EPHA6: variants seen among roughly 807,000 people sequenced by gnomAD.
EPHA6 encodes EPH receptor A6.
A neutral mutation model predicts 112.0 loss-of-function variants in EPHA6; 50 were observed. The observed-to-expected ratio is 0.45, with a 90% confidence interval of 0.36 to 0.56. The LOEUF (loss-of-function observed/expected upper bound fraction) is 0.56, where lower values mean the gene tolerates loss of function less well. Among genes scored for constraint, EPHA6 ranks in the 20% least tolerant of loss-of-function variants. The pLI is 0.00. For missense variants in EPHA6, 1,280 were observed against 1,417.4 expected (o/e 0.90, Z 1.56); for synonymous variants, 529 against 490.7 (o/e 1.08, Z -1.03).
At chr3:97,239,965 A>T (rs1391447912) in intron 4 of EPHA6, among the ~76,000 whole-genome samples, 1 of 151,828 alleles carries the variant, frequency 6.6e-6, no homozygotes, top group East Asian at 1.9e-4. Flanking sequence ...TCATTCTACC[A>T]CTAATGGACT....
rs185278525 is a variant in EPHA6 at position 97,002,668 on chromosome 3, A to G, written c.1114+14675A>G. Among the ~76,000 whole-genome samples the G allele has an allele frequency of 1.7e-3, 257 of 152,126 alleles. 1 individual carries two copies. Among genetic ancestry groups the G allele is most frequent in the Admixed American group, 3.5e-3 (54 of 15,270 alleles). Reference sequence around the variant, plus strand: ...ATATGTTTTGAGTGACATAAAGAATATAATATATATACTATGTTCTTGGAT... The same window carrying G: ...ATATGTTTTGAGTGACATAAAGAATGTAATATATATACTATGTTCTTGGAT... On this transcript the variant is annotated intron_variant, in intron 3 of 17. Transcript: ENST00000389672.
intron 6 of EPHA6, among the ~76,000 whole-genome samples, chr3:97,432,863 A>G (rs1226882323): frequency 6.6e-6 from 1 of 152,158 alleles, no homozygotes; most frequent in Non-Finnish European, 1.5e-5. Flanking sequence ...AACCACCCCC[A>G]TGACCCAATC....
intron 5 of EPHA6, among the ~76,000 whole-genome samples, chr3:97,268,177 G>T (rs967338598): frequency 4.6e-5 from 7 of 152,122 alleles, no homozygotes; most frequent in African/African-American, 1.7e-4. Flanking sequence ...TGGTTAAACT[G>T]CAATACCAGT....
chr3:97,273,174 A>C lies in EPHA6; in HGVS notation c.1606+28887A>C, dbSNP rs368117915. On this transcript the variant is annotated intron_variant, in intron 5 of 17. Coordinates refer to ENST00000389672, the MANE Select transcript of EPHA6 (RefSeq NM_001080448.3). Reference sequence around the variant, plus strand: ...AAGAGAAGGAGAAAAACAGGTATTAAAGGTCTAAGAATTGGAAGGACCCAG... The same window carrying C: ...AAGAGAAGGAGAAAAACAGGTATTACAGGTCTAAGAATTGGAAGGACCCAG... Among the ~76,000 whole-genome samples, 609 of 152,314 alleles carry C rather than the reference A, an allele frequency of 4.0e-3. 4 individuals are homozygous for C. Among genetic ancestry groups the C allele is most frequent in the African/African-American group, 0.014 (563 of 41,570 alleles).
At chr3:96,939,717 T>C (rs2040825034) in intron 2 of EPHA6, among the ~76,000 whole-genome samples, 1 of 152,176 alleles carries the variant, frequency 6.6e-6, no homozygotes, top group South Asian at 2.1e-4. Flanking sequence ...TTAGGATCTT[T>C]CTTGTTTCTC....
At chr3:96,881,949 G>A (rs72933443) in intron 2 of EPHA6, among the ~76,000 whole-genome samples, 2,041 of 152,278 alleles carry the variant, frequency 0.013, 48 homozygotes, top group African/African-American at 0.045. Context: ...TATGTAAGAG[G>A]TGGGTTCCTG....
chr3:97,087,152 G>A (rs2046928228), intron 3 of EPHA6, among the ~76,000 whole-genome samples: 1 of 152,152 alleles, frequency 6.6e-6, no homozygotes, highest in South Asian at 2.1e-4. Context: ...AGAAGAGCAA[G>A]GATTCTGCTG....
intron 10 of EPHA6, among the ~76,000 whole-genome samples, chr3:97,509,975 A>G (rs1182183040): frequency 2.6e-5 from 4 of 152,272 alleles, no homozygotes; most frequent in African/African-American, 9.6e-5. Context: ...CACTTGATCA[A>G]TTCAGCTATT....
chr3:96,878,352 A>C (rs779736818), intron 2 of EPHA6, among the ~76,000 whole-genome samples: 2 of 151,766 alleles, frequency 1.3e-5, no homozygotes, highest in Non-Finnish European at 2.9e-5. Context: ...GAGAGAGAGA[A>C]AGAGAGAGCA....
At chr3:97,660,896 T>G (rs1006753889) in intron 14 of EPHA6, among the ~76,000 whole-genome samples, 2 of 152,114 alleles carry the variant, frequency 1.3e-5, no homozygotes, top group Middle Eastern at 6.3e-3. Context: ...ATTAGTAAAA[T>G]GTATCTAAGA....
At chr3:97,539,651 AAATCTGCAAG>A (rs1489946545) in intron 11 of EPHA6, among the ~76,000 whole-genome samples, 1 of 152,128 alleles carries the variant, frequency 6.6e-6, no homozygotes. Context: ...TTCTTTTTCT[AAATCTGCAAG>A]GAGCTAGAAG....
chr3:97,245,723 G>T (rs1403020537), intron 5 of EPHA6, among the ~76,000 whole-genome samples: 1 of 151,838 alleles, frequency 6.6e-6, no homozygotes, highest in African/African-American at 2.4e-5. Context: ...AGATTTGGAG[G>T]AGGGCAGTGT....
intron 5 of EPHA6, among the ~76,000 whole-genome samples, chr3:97,365,264 A>C (rs1347596753): frequency 6.6e-6 from 1 of 152,170 alleles, no homozygotes; most frequent in Admixed American, 6.5e-5. Flanking sequence ...TGGAATAAAG[A>C]GGTTTCAAAG....
chr3:97,107,482 C>A (rs1172082710), intron 3 of EPHA6, among the ~76,000 whole-genome samples: 1 of 152,140 alleles, frequency 6.6e-6, no homozygotes, highest in Non-Finnish European at 1.5e-5. Context: ...TGAGTCTGTA[C>A]TTATCTACTT....
intron 10 of EPHA6, among the ~76,000 whole-genome samples, chr3:97,504,385 G>A (rs1450809006): frequency 6.6e-6 from 1 of 152,192 alleles, no homozygotes; most frequent in African/African-American, 2.4e-5. Flanking sequence ...TGAATGCAAA[G>A]GCTTTTATAA....
At chr3:97,076,627 A>G (rs1449604885) in intron 3 of EPHA6, among the ~76,000 whole-genome samples, 2 of 152,218 alleles carry the variant, frequency 1.3e-5, no homozygotes, top group South Asian at 2.1e-4. Flanking sequence ...AATTTTAGAC[A>G]GAGCAGCATT....
chr3:96,917,107 C>A (rs1034617245), intron 2 of EPHA6, among the ~76,000 whole-genome samples: 1 of 151,498 alleles, frequency 6.6e-6, no homozygotes, highest in Non-Finnish European at 1.5e-5. Flanking sequence ...ATATTGCAAC[C>A]CAGTTTACAC....
intron 5 of EPHA6, among the ~76,000 whole-genome samples, chr3:97,348,035 T>G (rs2083619737): frequency 6.6e-6 from 1 of 152,086 alleles, no homozygotes; most frequent in African/African-American, 2.4e-5. Context: ...CAACTTATTT[T>G]TTTGGCAACC....
chr3:97,481,618 C>A, intron 9 of EPHA6: 2 of 472,194 alleles, frequency 4.2e-6, no homozygotes, highest in East Asian at 4.8e-5. Context: ...AGCTGTTGCG[C>A]CCTCCCTAGG....
Sources: gnomAD v4.1 joint callset for allele counts (sites outside exome capture counted in the v4.1 genomes callset) on GRCh38, gnomAD v4.1.1 for gene constraint, MANE v1.5 for transcripts, NCBI Gene and HGNC (gene_info 2026-07-23, HGNC 2026-07-21) for gene names.